OR52E4: variants seen among roughly 807,000 people sequenced by gnomAD.
OR52E4 encodes the protein olfactory receptor 52E4.
For missense variants in OR52E4, 444 were observed against 383.8 expected (o/e 1.16, Z -1.31); for synonymous variants, 169 against 137.4 (o/e 1.23, Z -1.61).
chr11:5,882,537 C>T (rs1453346697), intron 1 of OR52E4, among the ~76,000 whole-genome samples: 1 of 152,002 alleles, frequency 6.6e-6, no homozygotes, highest in Non-Finnish European at 1.5e-5. Flanking sequence ...AAGAAATGCT[C>T]TTGTTCTTCT....
rs745526027 is a variant in OR52E4, at chr11:5,884,360, A to G, written c.68A>G (p.Asp23Gly). The G allele has an allele frequency of 2.5e-6, 4 of 1,613,178 alleles. No individual in the cohort carries two copies. The African/African-American group carries it at 5.3e-5, about 22-fold the overall frequency. The change falls in exon 2 of 2, where the codon GAC becomes GGC. Residue 23 changes from aspartate to glycine, a missense_variant. By Grantham distance (94) the Asp-to-Gly change is moderately conservative. Transcript: ENST00000641726. Reference protein sequence around the residue: ...FFLLLGIPGLDTLHIWISFPF... With the variant: ...FFLLLGIPGLGTLHIWISFPF... ...CTCCTGCTAGGAATACCAGGACTGG[A>G]CACTTTACATATCTGGATTTCTTTC... is the stretch of plus-strand genomic sequence containing the variant.
intron 1 of OR52E4, among the ~76,000 whole-genome samples, chr11:5,881,642 A>G (rs1343755863): frequency 6.6e-6 from 1 of 152,130 alleles, no homozygotes; most frequent in African/African-American, 2.4e-5. Flanking sequence ...CTTTCTGCTA[A>G]CAGGTGAATT....
Position 5,884,856 on chromosome 11 carries a change from G to A in OR52E4, c.564G>A (p.Gly188=), listed in dbSNP as rs1246289004. The A allele has an allele frequency of 3.1e-6, 5 of 1,613,238 alleles. No homozygotes were observed. Among genetic ancestry groups the A allele is most frequent in the Non-Finnish European group, 4.2e-6 (5 of 1,179,562 alleles). Residue 188 remains glycine (G), a synonymous_variant, in exon 2 of 2, where the codon GGG becomes GGA. Transcript: ENST00000641726. ...HTYCEHRGLA[G]LACAPIKINI... is the part of the protein sequence containing the mutation. ...ACTGTGAGCACAGGGGTCTGGCCGGGTTGGCCTGTGCACCCATTAAGATCA... is the reference window on the plus strand; with the variant it reads ...ACTGTGAGCACAGGGGTCTGGCCGGATTGGCCTGTGCACCCATTAAGATCA...
In OR52E4 at chr11:5,880,723, G is replaced by C. The variant is rs571008350; in HGVS notation, c.-75+9G>C. 2.0e-5 allele frequency: 3 copies of C among 152,306 alleles called. No homozygotes were observed. The highest frequency in any genetic ancestry group is 7.2e-5 in the African/African-American group (3 of 41,580). The allele number at this position is 152,306 out of a possible 1,614,324, so 9.4% of individuals were successfully genotyped here. Reference sequence around the variant, plus strand: ...GAAGAAATATTACAGAGGTAAGAATGCTTGTGCAGGAGAAGTGAAAAGATA... The same window carrying C: ...GAAGAAATATTACAGAGGTAAGAATCCTTGTGCAGGAGAAGTGAAAAGATA... On this transcript the variant is annotated intron_variant, in intron 1 of 1. Transcript: ENST00000641726.
At chr11:5,881,832 A>C (rs533317137) in intron 1 of OR52E4, among the ~76,000 whole-genome samples, 7 of 152,160 alleles carry the variant, frequency 4.6e-5, no homozygotes, top group African/African-American at 1.7e-4. Flanking sequence ...AGAAAAAAAA[A>C]CTGATCTATC....
intron 1 of OR52E4, among the ~76,000 whole-genome samples, chr11:5,883,311 C>T (rs866356440): frequency 1.4e-4 from 21 of 152,004 alleles, no homozygotes; most frequent in Admixed American, 7.2e-4. Flanking sequence ...TAGAAATGCA[C>T]TTATCAGTTT....
At position 5,884,925 on chromosome 11, in the gene OR52E4, T is replaced by C; in HGVS notation, c.633T>C (p.Asp211=). 1 of 1,613,066 alleles carries C rather than the reference T, an allele frequency of 6.2e-7. No individual in the cohort carries two copies. The highest frequency in any genetic ancestry group is 1.3e-5 in the African/African-American group (1 of 74,986). Residue 211 remains aspartate, a synonymous_variant, in exon 2 of 2, where the codon GAT becomes GAC. Coordinates refer to ENST00000641726, the MANE Select transcript of OR52E4 (RefSeq NM_001005165.2). ...GLMVISYIIV[D]VILIASSYVL... ...TGGTGATTTCTTATATTATTGTGGA[T>C]GTGATCTTAATTGCCTCTTCCTATG...
At position 5,880,722 on chromosome 11, in the gene OR52E4, T is replaced by C. The variant is rs1377518; in HGVS notation, c.-75+8T>C. The stretch of plus-strand genomic sequence containing the variant: ...AGAAGAAATATTACAGAGGTAAGAA[T>C]GCTTGTGCAGGAGAAGTGAAAAGAT... On this transcript the variant is annotated splice_region_variant and intron_variant, in intron 1 of 1. Transcript: ENST00000641726. 0.39 allele frequency: 59,353 copies of C among 152,064 alleles called. 11,855 individuals carry two copies. Among genetic ancestry groups the C allele is most frequent in the Non-Finnish European group, 0.44 (29,607 of 68,006 alleles). The allele number at this position is 152,064 out of a possible 1,614,324, so 9.4% of individuals were successfully genotyped here. A position where few individuals can be genotyped will look rare whatever the true frequency, so the allele number is the denominator to read the frequency against.
chr11:5,881,752 A>G (rs1846966257), intron 1 of OR52E4, among the ~76,000 whole-genome samples: 1 of 152,130 alleles, frequency 6.6e-6, no homozygotes, highest in African/African-American at 2.4e-5. Flanking sequence ...TAGCACCTAT[A>G]CAAACATTGG....
At position 5,884,769 on chromosome 11, in the gene OR52E4, C is replaced by G. The variant is rs1158396257; in HGVS notation, c.477C>G (p.Thr159=). 1 of 1,613,532 alleles carries G rather than the reference C, an allele frequency of 6.2e-7. No individual in the cohort carries two copies. The highest frequency in any genetic ancestry group is 2.2e-5 in the East Asian group (1 of 44,846). ...VVVGRNLVLV[T]PFVFLILRLP... is the part of the protein sequence containing the mutation. ...TTGGAAGAAATTTAGTTCTTGTAAC[C>G]CCATTTGTGTTTCTCATTCTGCGTC... Residue 159 remains threonine, a synonymous_variant, in exon 2 of 2, where the codon ACC becomes ACG. Coordinates refer to ENST00000641726, the MANE Select transcript of OR52E4 (RefSeq NM_001005165.2).
Position 5,881,759 on chromosome 11 carries a change from T to C in OR52E4, c.-75+1045T>C, listed in dbSNP as rs116217314. 8.6e-3 allele frequency among the ~76,000 whole-genome samples: 1,303 copies of C among 152,226 alleles called. 17 individuals carry two copies. Among genetic ancestry groups the C allele is most frequent in the African/African-American group, 0.027 (1,122 of 41,562 alleles). ...CTATGCACTAGCACCTATACAAACA[T>C]TGGTCTTATTTATCATTAAAATAAA... On this transcript the variant is annotated intron_variant, in intron 1 of 1. Transcript: ENST00000641726.
chr11:5,884,977 C>T lies in OR52E4; in HGVS notation c.685C>T (p.Leu229Phe), dbSNP rs1424205905. The change falls in exon 2 of 2, where the codon CTT becomes TTT. Residue 229 changes from leucine (L) to phenylalanine (F), a missense_variant. Physicochemically the swap from Leu to Phe is conservative, Grantham distance 22 (BLOSUM62 0). Transcript: ENST00000641726. The part of the protein sequence containing the change: ...YVLILRAVFR[L>F]PSQDVRLKAF... ...GCTTATCCTTAGAGCTGTTTTTCGC[C>T]TTCCCTCTCAAGATGTCCGACTAAA... 3 of 1,612,742 alleles carry T rather than the reference C, an allele frequency of 1.9e-6. No homozygotes were observed. The highest frequency in any genetic ancestry group is 2.7e-5 in the African/African-American group (2 of 74,840).
At position 5,885,199 on chromosome 11, in the gene OR52E4, C is replaced by A. The variant is rs747666358; in HGVS notation, c.907C>A (p.Gln303Lys). The change falls in exon 2 of 2, where the codon CAA (glutamine) becomes AAA (lysine). Residue 303 changes from glutamine to lysine, a missense_variant. By Grantham distance (53) the Gln-to-Lys change is moderately conservative. Coordinates refer to ENST00000641726, the MANE Select transcript of OR52E4 (RefSeq NM_001005165.2). ...YGVRTKQIRE[Q>K]IVKIFVQKE ...AGTCAGGACCAAGCAGATCCGAGAG[C>A]AAATTGTGAAAATATTTGTACAGAA... 3 of 1,597,412 alleles carry A rather than the reference C, an allele frequency of 1.9e-6. No individual in the cohort carries two copies. The highest frequency in any genetic ancestry group is 2.7e-5 in the African/African-American group (2 of 74,030).
intron 1 of OR52E4, among the ~76,000 whole-genome samples, chr11:5,883,124 A>C (rs776827705): frequency 1.3e-5 from 2 of 152,058 alleles, no homozygotes; most frequent in Non-Finnish European, 2.9e-5. Context: ...GGGACATGGG[A>C]ATTTTTTTTA....
chr11:5,884,210 T>C lies in OR52E4; in HGVS notation c.-74-9T>C. On this transcript the variant is annotated splice_polypyrimidine_tract_variant and intron_variant, in intron 1 of 1. Coordinates refer to ENST00000641726, the MANE Select transcript of OR52E4 (RefSeq NM_001005165.2). ...TAGCACACTGATAAGAGTCTTTCTG[T>C]TTCTTCAGGAACTTGACAAGAGAGG... The C allele has an allele frequency of 1.0e-6, 1 of 969,350 alleles. No homozygotes were observed. Among genetic ancestry groups the C allele is most frequent in the Non-Finnish European group, 1.6e-6 (1 of 630,214 alleles). 60.0% of individuals were successfully genotyped at this position (969,350 alleles called of 1,614,324 possible). A position where few individuals can be genotyped will look rare whatever the true frequency, so the allele number is the denominator to read the frequency against.
At chr11:5,882,242 T>G (rs1442153067) in intron 1 of OR52E4, among the ~76,000 whole-genome samples, 1 of 152,138 alleles carries the variant, frequency 6.6e-6, no homozygotes, top group East Asian at 1.9e-4. Context: ...AGGGTGGATG[T>G]GCTGGCAGCT....
In OR52E4 at chr11:5,886,497, A is replaced by G. The variant is rs1282228694; in HGVS notation, c.*1266A>G. The G allele has an allele frequency of 6.6e-6, 1 of 152,080 alleles. No individual in the cohort carries two copies. The highest frequency in any genetic ancestry group is 1.5e-5 in the Non-Finnish European group (1 of 67,984). The allele number at this position is 152,080 out of a possible 1,614,324, so 9.4% of individuals were successfully genotyped here. ...ACTTATGAGACTTTATAAAACTTAG[A>G]AAAACAATTAGGCTCAAGCTATGGT... On this transcript the variant is annotated 3_prime_UTR_variant, in exon 2 of 2. Coordinates refer to ENST00000641726, the MANE Select transcript of OR52E4 (RefSeq NM_001005165.2).
Position 5,884,994 on chromosome 11 carries a change from C to G in OR52E4, c.702C>G (p.Val234=). 6.2e-7 allele frequency: 1 copy of G among 1,613,090 alleles called. No individual in the cohort carries two copies. Among genetic ancestry groups the G allele is most frequent in the Non-Finnish European group, 8.5e-7 (1 of 1,179,326 alleles). The stretch of plus-strand genomic sequence containing the variant: ...TTTTTCGCCTTCCCTCTCAAGATGT[C>G]CGACTAAAGGCCTTCAATACCTGTG... The part of the protein sequence containing the change: ...RAVFRLPSQD[V]RLKAFNTCGS... The change falls in exon 2 of 2, where the codon GTC becomes GTG. Residue 234 remains valine (V), a synonymous_variant. Coordinates refer to ENST00000641726, the MANE Select transcript of OR52E4 (RefSeq NM_001005165.2).
chr11:5,883,792 T>C (rs1280858017), intron 1 of OR52E4, among the ~76,000 whole-genome samples: 1 of 152,006 alleles, frequency 6.6e-6, no homozygotes, highest in East Asian at 1.9e-4. Context: ...AATTTCACTA[T>C]GTACTTATGA....
Sources: gnomAD v4.1 joint callset for allele counts (sites outside exome capture counted in the v4.1 genomes callset) on GRCh38, gnomAD v4.1.1 for gene constraint, MANE v1.5 for transcripts, NCBI Gene and HGNC (gene_info 2026-07-23, HGNC 2026-07-21) for gene names.